Variants in MIGA1 observed in about 807,000 individuals in gnomAD.
MIGA1 encodes the protein family with sequence similarity 73, member A.
MIGA1 carries 58 observed loss-of-function variants against 82.0 expected under a neutral mutation model. The observed-to-expected ratio is 0.71, with a 90% CI of 0.57 to 0.88. The LOEUF is 0.88. Among genes scored for constraint, MIGA1 ranks in the 40% least tolerant of loss-of-function variants. The pLI is 0.00. For missense variants in MIGA1, 751 were observed against 749.1 expected (o/e 1.00, Z -0.03); for synonymous variants, 249 against 253.6 (o/e 0.98, Z 0.17).
intron 2 of MIGA1, among the ~76,000 whole-genome samples, chr1:77,796,480 T>C (rs961437879): frequency 3.3e-5 from 5 of 151,752 alleles, no homozygotes; most frequent in African/African-American, 1.2e-4. Context: ...TGGAGTGCAG[T>C]GGTGCGATAG....
intron 2 of MIGA1, among the ~76,000 whole-genome samples, chr1:77,793,913 A>G (rs979338466): frequency 8.0e-5 from 12 of 150,266 alleles, no homozygotes; most frequent in Non-Finnish European, 1.3e-4. Flanking sequence ...CAGCCTCCCA[A>G]GTGGTTGGGA....
Position 77,866,386 on chromosome 1 carries a change from A to G in MIGA1, c.1558A>G (p.Met520Val). 1 of 1,613,956 alleles carries G rather than the reference A, an allele frequency of 6.2e-7. No homozygotes were observed. ...GGTGCTGAAACAGAAAAGACAACAG[A>G]TGAAGGTAAAATTCGTTATGTCCTG... is the stretch of plus-strand genomic sequence containing the variant. The change falls in exon 14 of 16, where the codon ATG becomes GTG. Residue 520 changes from methionine to valine, a missense_variant. Transcript: ENST00000370791.
intron 4 of MIGA1, 94 bp downstream of exon 4, chr1:77,803,500 A>T (rs1364403474): frequency 2.2e-5 from 11 of 493,678 alleles, no homozygotes; most frequent in Admixed American, 4.3e-5. Context: ...AGTTCTTAGT[A>T]TGGAAATACT....
At chr1:77,873,345 T>C (rs2101987574) in intron 15 of MIGA1, among the ~76,000 whole-genome samples, 1 of 152,348 alleles carries the variant, frequency 6.6e-6, no homozygotes, top group African/African-American at 2.4e-5. Context: ...TGGTGCTTTA[T>C]TCTGGAGTAG....
Position 77,850,267 on chromosome 1 carries a change from C to CTA in MIGA1, c.996+6862_996+6863dup, listed in dbSNP as rs567818841. ...AGGTGGAAGTGATGACTGTTTTGAC[C>CTA]TATCCTCAGAAATCTCATTCTTTCA... On this transcript the variant is annotated intron_variant, in intron 8 of 15. Transcript: ENST00000370791. 1.3e-3 allele frequency among the ~76,000 whole-genome samples: 200 copies of CTA among 152,268 alleles called. 1 individual carries two copies. Among genetic ancestry groups the CTA allele is most frequent in the African/African-American group, 4.5e-3 (186 of 41,546 alleles).
chr1:77,804,773 G>T (rs1683024032), intron 4 of MIGA1, among the ~76,000 whole-genome samples: 1 of 151,948 alleles, frequency 6.6e-6, no homozygotes, highest in Non-Finnish European at 1.5e-5. Context: ...GGGATTACAG[G>T]CATGTGTCAC....
intron 14 of MIGA1, among the ~76,000 whole-genome samples, chr1:77,869,070 C>G (rs1400516876): frequency 2.6e-5 from 4 of 151,498 alleles, no homozygotes; most frequent in East Asian, 3.9e-4. Flanking sequence ...TCTGGTTTTC[C>G]TAGGCAGAGG....
At chr1:77,817,453 GTTT>G (rs1489395200) in intron 7 of MIGA1, among the ~76,000 whole-genome samples, 9 of 152,312 alleles carry the variant, frequency 5.9e-5, no homozygotes, top group African/African-American at 2.2e-4. Context: ...CCCCACTCAT[GTTT>G]TAACCTGTGC....
chr1:77,860,659 G>A (rs188684295), intron 11 of MIGA1: 4 of 152,884 alleles, frequency 2.6e-5, no homozygotes, highest in South Asian at 2.1e-4. Flanking sequence ...CAATCCCTTT[G>A]AACTTTAATT....
At chr1:77,872,268 C>T (rs899797271) in intron 14 of MIGA1, among the ~76,000 whole-genome samples, 4 of 152,190 alleles carry the variant, frequency 2.6e-5, no homozygotes, top group Admixed American at 2.6e-4. Flanking sequence ...CCATGCCTGG[C>T]TGGATTGCTT....
intron 8 of MIGA1, chr1:77,854,004 C>T (rs1238775007): frequency 4.3e-5 from 7 of 162,046 alleles, no homozygotes; most frequent in South Asian, 1.6e-4. Flanking sequence ...GCAGTATATA[C>T]TGCACCATAT....
intron 7 of MIGA1, among the ~76,000 whole-genome samples, chr1:77,835,863 G>A (rs1417554283): frequency 6.6e-6 from 1 of 151,988 alleles, no homozygotes; most frequent in African/African-American, 2.4e-5. Flanking sequence ...CACAAGAATC[G>A]CTTCAACCTG....
Position 77,859,371 on chromosome 1 carries a change from T to C in MIGA1, c.1173T>C (p.Ile391=). Residue 391 remains isoleucine, a synonymous_variant, in exon 10 of 16, where the codon ATT becomes ATC. Coordinates refer to ENST00000370791, the MANE Select transcript of MIGA1 (RefSeq NM_198549.4). Reference sequence around the variant, plus strand: ...ATTTTCTTGCCAAACTTCACTGTATTCGACAGGCTTTTCAGGTATTTTTTT... The same window carrying C: ...ATTTTCTTGCCAAACTTCACTGTATCCGACAGGCTTTTCAGGTATTTTTTT... The C allele has an allele frequency of 6.2e-7, 1 of 1,613,640 alleles. No homozygotes were observed. Among genetic ancestry groups the C allele is most frequent in the Non-Finnish European group, 8.5e-7 (1 of 1,179,564 alleles).
chr1:77,865,444 T>G (rs1416675419), intron 13 of MIGA1, among the ~76,000 whole-genome samples: 1 of 151,968 alleles, frequency 6.6e-6, no homozygotes, highest in African/African-American at 2.4e-5. Context: ...AATACAAAAA[T>G]TTGCCAGGTG....
Position 77,806,966 on chromosome 1 carries a change from T to G in MIGA1, c.511-9T>G, listed in dbSNP as rs1309518694. The G allele has an allele frequency of 6.2e-7, 1 of 1,601,456 alleles. No homozygotes were observed. Among genetic ancestry groups the G allele is most frequent in the Non-Finnish European group, 8.5e-7 (1 of 1,173,498 alleles). On this transcript the variant is annotated splice_polypyrimidine_tract_variant and intron_variant, in intron 4 of 15. Transcript: ENST00000370791. The stretch of plus-strand genomic sequence containing the variant: ...GATTTGAAGTAACTTCTATCCATCT[T>G]AATTTTAGGTCCAGAGTGTCAATTC...
chr1:77,832,732 G>A (rs986355222), intron 7 of MIGA1, among the ~76,000 whole-genome samples: 4 of 152,130 alleles, frequency 2.6e-5, no homozygotes, highest in African/African-American at 9.7e-5. Context: ...AGAAAGCTGG[G>A]CAGGACATAA....
chr1:77,781,053 C>G (rs1006836651), intron 1 of MIGA1, among the ~76,000 whole-genome samples: 1 of 151,612 alleles, frequency 6.6e-6, no homozygotes, highest in Non-Finnish European at 1.5e-5. Flanking sequence ...ATTACAGGCG[C>G]CCGACATCAC....
At chr1:77,845,611 C>CA (rs1418998791) in intron 8 of MIGA1, among the ~76,000 whole-genome samples, 1 of 152,090 alleles carries the variant, frequency 6.6e-6, no homozygotes, top group African/African-American at 2.4e-5. Flanking sequence ...TGTATGGTCT[C>CA]AGAATGTGAA....
intron 7 of MIGA1, among the ~76,000 whole-genome samples, chr1:77,820,615 G>A (rs1313926141): frequency 6.6e-6 from 1 of 151,930 alleles, no homozygotes; most frequent in Non-Finnish European, 1.5e-5. Context: ...TGTCGTTTTT[G>A]TTGTTGTTGT....
Sources: gnomAD v4.1 joint callset for allele counts (sites outside exome capture counted in the v4.1 genomes callset) on GRCh38, gnomAD v4.1.1 for gene constraint, MANE v1.5 for transcripts, NCBI Gene and HGNC (gene_info 2026-07-23, HGNC 2026-07-21) for gene names.